PLEKHA8: variants seen among roughly 807,000 people sequenced by gnomAD.
PLEKHA8 encodes pleckstrin homology domain containing A8.
PLEKHA8 carries 36 observed loss-of-function variants against 68.2 expected under a neutral mutation model. The observed-to-expected ratio is 0.53, with a 90% CI of 0.40 to 0.70. The LOEUF (loss-of-function observed/expected upper bound fraction) is 0.70, where lower values mean the gene tolerates loss of function less well. PLEKHA8 is among the 30% of genes least tolerant of loss of function. The pLI is 0.00. For missense variants in PLEKHA8, 505 were observed against 615.4 expected (o/e 0.82, Z 1.90); for synonymous variants, 211 against 216.1 (o/e 0.98, Z 0.20).
chr7:30,030,122 C>G (rs978301708), intron 1 of PLEKHA8, among the ~76,000 whole-genome samples: 1 of 152,180 alleles, frequency 6.6e-6, no homozygotes, highest in Non-Finnish European at 1.5e-5. Context: ...GGGGAGGAGG[C>G]TCGACCTGGC....
chr7:30,089,356 C>A (rs1795315151), downstream of PLEKHA8, among the ~76,000 whole-genome samples: 1 of 151,724 alleles, frequency 6.6e-6, no homozygotes, highest in African/African-American at 2.4e-5. Flanking sequence ...TCCAGACCAC[C>A]CCCACAGACC....
At chr7:30,105,763 A>G (rs1796032537) in intron 13 of PLEKHA8, among the ~76,000 whole-genome samples, 1 of 152,206 alleles carries the variant, frequency 6.6e-6, no homozygotes, top group Non-Finnish European at 1.5e-5. Flanking sequence ...TTGCTTGTTC[A>G]TAGTTTATAT....
intron 3 of PLEKHA8, 86 bp from the exon 4 acceptor site, chr7:30,047,743 CTAG>C: frequency 7.4e-7 from 1 of 1,359,854 alleles, no homozygotes; most frequent in Non-Finnish European, 9.9e-7. Context: ...GGTATCCTAA[CTAG>C]TAAGGATTCC....
chr7:30,103,335 T>C (rs1795929721), intron 13 of PLEKHA8, among the ~76,000 whole-genome samples: 1 of 152,202 alleles, frequency 6.6e-6, no homozygotes, highest in African/African-American at 2.4e-5. Context: ...ATACTTGAAT[T>C]GTACACTTTA....
chr7:30,096,684 A>T (rs1322832568), intron 13 of PLEKHA8, among the ~76,000 whole-genome samples: 1 of 152,030 alleles, frequency 6.6e-6, no homozygotes, highest in Non-Finnish European at 1.5e-5. Flanking sequence ...TGCTTGGTAG[A>T]TCTTCCTCCA....
intron 2 of PLEKHA8, among the ~76,000 whole-genome samples, chr7:30,045,423 G>A (rs1009296066): frequency 5.3e-5 from 8 of 152,128 alleles, no homozygotes; most frequent in African/African-American, 9.7e-5. Context: ...TGAGAGCAAC[G>A]TGTTTCACTA....
chr7:30,084,511 A>G lies in PLEKHA8; in HGVS notation c.*5724A>G, dbSNP rs1178952344. ...GCGACAGTTTCATGTTTAGATTTGT[A>G]TTGTTTCTCTGTCCAAGTCCTTATT... On this transcript the variant is annotated 3_prime_UTR_variant, in exon 14 of 14. Coordinates refer to ENST00000449726, the MANE Select transcript of PLEKHA8 (RefSeq NM_001197026.2). 3.0e-6 allele frequency: 3 copies of G among 985,228 alleles called. No homozygotes were observed. Among genetic ancestry groups the G allele is most frequent in the East Asian group, 1.1e-4 (1 of 8,810 alleles). The allele number at this position is 985,228 out of a possible 1,614,324, so 61.0% of individuals were successfully genotyped here.
chr7:30,128,660 A>C (rs17158634), intron 13 of PLEKHA8, among the ~76,000 whole-genome samples: 3,363 of 152,126 alleles, frequency 0.022, 54 homozygotes, highest in East Asian at 0.042. Context: ...ACACTGTTAG[A>C]TGCCCTGTGT....
intron 1 of PLEKHA8, among the ~76,000 whole-genome samples, chr7:30,044,332 T>C (rs762487098): frequency 1.3e-5 from 2 of 151,980 alleles, no homozygotes; most frequent in Non-Finnish European, 2.9e-5. Context: ...AGAGATCCAG[T>C]TGGAGCAAAA....
chr7:30,054,421 A>G (rs1792664457), intron 7 of PLEKHA8, among the ~76,000 whole-genome samples: 1 of 152,186 alleles, frequency 6.6e-6, no homozygotes, highest in African/African-American at 2.4e-5. Flanking sequence ...AGTGCCCCTC[A>G]TGGATATGAT....
At chr7:30,075,324 T>G (rs1046557868) in intron 13 of PLEKHA8, among the ~76,000 whole-genome samples, 2 of 152,230 alleles carry the variant, frequency 1.3e-5, no homozygotes, top group East Asian at 3.8e-4. Flanking sequence ...CTGCTCACCC[T>G]TACCTTCAAT....
At position 30,062,020 on chromosome 7, in the gene PLEKHA8, C is replaced by T. The variant is rs765439463; in HGVS notation, c.1222C>T (p.Leu408=). The change falls in exon 11 of 14, where the codon CTG becomes TTG. Residue 408 remains leucine (L), a synonymous_variant. Transcript: ENST00000449726. ...RNSATEALLW[L]KRGLKFLKGF... is the part of the protein sequence containing the mutation. ...CTCAGCGACTGAAGCCCTCTTGTGG[C>T]TGAAGAGGTGAGGCAGCTGGGGTGG... 5.0e-6 allele frequency: 8 copies of T among 1,612,366 alleles called. No homozygotes were observed. The South Asian group carries it at 8.8e-5, about 18-fold the overall frequency.
chr7:30,112,452 C>T (rs1796304190), intron 13 of PLEKHA8, among the ~76,000 whole-genome samples: 1 of 151,000 alleles, frequency 6.6e-6, no homozygotes, highest in Admixed American at 6.6e-5. Flanking sequence ...GAAATGAGTA[C>T]ATACTTAGCA....
At chr7:30,046,165 A>G (rs759787274) in intron 2 of PLEKHA8, 45 bp from the exon 3 acceptor site, 3 of 1,495,528 alleles carry the variant, frequency 2.0e-6, no homozygotes, top group Non-Finnish European at 2.7e-6. Flanking sequence ...GGCTACCCAG[A>G]CAGGGCTCTT....
chr7:30,032,923 A>C (rs903719774), intron 1 of PLEKHA8, among the ~76,000 whole-genome samples: 1 of 152,260 alleles, frequency 6.6e-6, no homozygotes, highest in Non-Finnish European at 1.5e-5. Flanking sequence ...GCATTACTGC[A>C]TTCTGAAAAT....
chr7:30,074,325 T>G (rs1794474332), intron 13 of PLEKHA8, among the ~76,000 whole-genome samples, 193 bp downstream of exon 13: 1 of 146,158 alleles, frequency 6.8e-6, no homozygotes, highest in Non-Finnish European at 1.5e-5. Flanking sequence ...CAAAATGTTA[T>G]TTATTTCATT....
Sources: gnomAD v4.1 joint callset for allele counts (sites outside exome capture counted in the v4.1 genomes callset) on GRCh38, gnomAD v4.1.1 for gene constraint, MANE v1.5 for transcripts, NCBI Gene and HGNC (gene_info 2026-07-23, HGNC 2026-07-21) for gene names.